CCDC141: variants seen among roughly 807,000 people sequenced by gnomAD.
The protein encoded by CCDC141 is coiled-coil domain-containing protein 141.
CCDC141 carries 168 observed loss-of-function variants against 181.0 expected under a neutral mutation model. The observed-to-expected ratio is 0.93, with a 90% CI of 0.82 to 1.05. The LOEUF (loss-of-function observed/expected upper bound fraction) is 1.05. Ranked by LOEUF, CCDC141 falls within the 50% of genes least tolerant of loss-of-function variation. The pLI, the probability that CCDC141 is intolerant of heterozygous loss-of-function variation, is 0.00. For synonymous variants in CCDC141, 666 were observed against 642.3 expected (o/e 1.04, Z -0.56); for missense variants, 1,902 against 1,788.5 (o/e 1.06, Z -1.14).
At chr2:179,047,976 G>A (rs2043554991) in intron 1 of CCDC141, among the ~76,000 whole-genome samples, 1 of 152,142 alleles carries the variant, frequency 6.6e-6, no homozygotes, top group African/African-American at 2.4e-5. Flanking sequence ...CTTAGTTGTT[G>A]AATATTCATT....
rs1575154170 is a variant in CCDC141 at position 178,872,071 on chromosome 2, C to T, written c.2079+62G>A. The T allele has an allele frequency of 3.3e-6, 5 of 1,506,536 alleles. No individual in the cohort carries two copies. In the East Asian group the frequency reaches 6.9e-5, roughly 21 times the overall value. The allele number at this position is 1,506,536 out of a possible 1,614,324, so 93.3% of individuals were successfully genotyped here. The stretch of plus-strand genomic sequence containing the variant: ...TCACTTAGCTAGTGTTTTCAAGGTT[C>T]GCTCATGTTAGCCTGTGTCGGAATT... On this transcript the variant is annotated intron_variant, in intron 13 of 23. Coordinates refer to ENST00000443758, the MANE Select transcript of CCDC141 (RefSeq NM_173648.4).
At chr2:178,817,529 A>C in the CCDC141 span, 1 of 470,976 alleles carries the variant, frequency 2.1e-6, no homozygotes, top group African/African-American at 2.0e-5. Context: ...GACCTACTTC[A>C]GTATCTCCAG....
chr2:178,852,143 A>G (rs1685191193), intron 20 of CCDC141, among the ~76,000 whole-genome samples: 1 of 152,242 alleles, frequency 6.6e-6, no homozygotes, highest in Admixed American at 6.5e-5. Flanking sequence ...GTCAGGCAAC[A>G]GACAAATACC....
intron 17 of CCDC141, among the ~76,000 whole-genome samples, chr2:178,865,366 T>A (rs1189240659): frequency 6.6e-6 from 1 of 152,194 alleles, no homozygotes; most frequent in Non-Finnish European, 1.5e-5. Context: ...AGGCTGGAGT[T>A]GGCTGCAACG....
chr2:179,041,459 C>A (rs2154388747), intron 2 of CCDC141, among the ~76,000 whole-genome samples: 2 of 125,022 alleles, frequency 1.6e-5, no homozygotes, highest in African/African-American at 6.1e-5. Flanking sequence ...TGTTCATGTC[C>A]TTTGCCTATT....
intron 2 of CCDC141, among the ~76,000 whole-genome samples, chr2:179,046,995 G>A (rs2043517919): frequency 6.6e-6 from 1 of 152,046 alleles, no homozygotes; most frequent in African/African-American, 2.4e-5. Context: ...ATGAAAAAAT[G>A]ATGGAGTTTT....
chr2:178,947,326 G>A (rs1322083873), intron 5 of CCDC141, among the ~76,000 whole-genome samples: 1 of 152,160 alleles, frequency 6.6e-6, no homozygotes, highest in Non-Finnish European at 1.5e-5. Context: ...TGTAGAACAT[G>A]GTCCCTGCAA....
chr2:178,862,163 A>G (rs566089291), intron 17 of CCDC141, among the ~76,000 whole-genome samples: 1 of 152,244 alleles, frequency 6.6e-6, no homozygotes, highest in Non-Finnish European at 1.5e-5. Flanking sequence ...TTGTGCCATT[A>G]GAACATGTGA....
At chr2:178,895,355 TCA>T (rs1268909685) in intron 8 of CCDC141, among the ~76,000 whole-genome samples, 1 of 152,192 alleles carries the variant, frequency 6.6e-6, no homozygotes, top group African/African-American at 2.4e-5. Flanking sequence ...GAGTCCTCAA[TCA>T]CCCAGGGCAG....
At chr2:179,037,260 A>G (rs988751182) in intron 2 of CCDC141, among the ~76,000 whole-genome samples, 1 of 152,256 alleles carries the variant, frequency 6.6e-6, no homozygotes, top group Non-Finnish European at 1.5e-5. Flanking sequence ...GTGAGGAGAT[A>G]TAAGTGGAAA....
intron 2 of CCDC141, among the ~76,000 whole-genome samples, chr2:178,981,810 T>A (rs1014190325): frequency 1.4e-4 from 20 of 148,124 alleles, no homozygotes; most frequent in Non-Finnish European, 2.5e-4. Flanking sequence ...AGAGGAGGAA[T>A]CAATAAAATG....
intron 5 of CCDC141, among the ~76,000 whole-genome samples, chr2:178,946,449 A>G (rs890894865): frequency 6.6e-6 from 1 of 152,238 alleles, no homozygotes; most frequent in Non-Finnish European, 1.5e-5. Context: ...TCACGAATAC[A>G]ACTGACTTCC....
intron 6 of CCDC141, among the ~76,000 whole-genome samples, chr2:178,924,374 C>A (rs941130398): frequency 6.6e-6 from 1 of 152,096 alleles, no homozygotes; most frequent in Non-Finnish European, 1.5e-5. Flanking sequence ...CCATTCAGAA[C>A]AACTAGAATT....
chr2:178,994,302 C>T (rs11695730), intron 2 of CCDC141, among the ~76,000 whole-genome samples: 70,535 of 152,144 alleles, frequency 0.46, 18,616 homozygotes, highest in East Asian at 0.64. Flanking sequence ...GAAGAGGGTC[C>T]GAAAGCCCAG....
chr2:178,891,794 T>C (rs989177469), intron 8 of CCDC141, among the ~76,000 whole-genome samples: 13 of 152,096 alleles, frequency 8.5e-5, no homozygotes, highest in Non-Finnish European at 1.5e-4. Flanking sequence ...TCTCTCTCTC[T>C]CTCTGTTTTT....
chr2:178,989,587 C>A (rs527619958), intron 2 of CCDC141, among the ~76,000 whole-genome samples: 4 of 135,662 alleles, frequency 2.9e-5, no homozygotes. Context: ...GAGCAAGACC[C>A]TGCCTCAAAA....
chr2:178,846,712 C>T (rs905696287), intron 21 of CCDC141, among the ~76,000 whole-genome samples: 2 of 152,110 alleles, frequency 1.3e-5, no homozygotes, highest in African/African-American at 4.8e-5. Context: ...TTCAGATCTA[C>T]CACTATTGAC....
At chr2:179,045,538 G>A (rs2043467973) in intron 2 of CCDC141, among the ~76,000 whole-genome samples, 2 of 151,988 alleles carry the variant, frequency 1.3e-5, no homozygotes, top group African/African-American at 2.4e-5. Context: ...GTAATGGGAT[G>A]GCTGGGTCAA....
the CCDC141 span, among the ~76,000 whole-genome samples, chr2:178,820,889 A>G: frequency 1.3e-5 from 2 of 152,172 alleles, no homozygotes; most frequent in African/African-American, 4.8e-5. Flanking sequence ...ACAGTCTTAT[A>G]AGGGTATCTA....
Sources: allele counts gnomAD v4.1 joint callset (sites outside exome capture counted in the v4.1 genomes callset), GRCh38; gene constraint gnomAD v4.1.1; transcripts MANE v1.5; gene names NCBI Gene and HGNC (gene_info 2026-07-23, HGNC 2026-07-21).